Variants in PARD3B observed in about 807,000 individuals in gnomAD.
PARD3B encodes par-3 family cell polarity regulator beta, also known as partitioning defective 3 homolog B.
PARD3B carries 103 observed loss-of-function variants against 130.2 expected under a neutral mutation model. The ratio of observed to expected loss-of-function variants is 0.79; its 90% CI spans 0.67 to 0.93. The LOEUF (loss-of-function observed/expected upper bound fraction) is 0.93. Ranked by LOEUF, PARD3B falls within the 40% of genes least tolerant of loss-of-function variation. The pLI, the probability that PARD3B is intolerant of heterozygous loss-of-function variation, is 0.00. For missense variants in PARD3B, 1,609 were observed against 1,499.2 expected, an observed-to-expected ratio of 1.07 and a Z score of -1.21; for synonymous variants, 583 against 553.2, an observed-to-expected ratio of 1.05 and a Z score of -0.76.
At chr2:205,182,624 C>A (rs1395617560) in intron 13 of PARD3B, among the ~76,000 whole-genome samples, 1 of 152,120 alleles carries the variant, frequency 6.6e-6, no homozygotes. Context: ...ATACATAGTT[C>A]ATTGCAAAAG....
At chr2:205,365,433 T>C (rs1167855915) in intron 18 of PARD3B, among the ~76,000 whole-genome samples, 2 of 151,580 alleles carry the variant, frequency 1.3e-5, no homozygotes, top group African/African-American at 2.4e-5. Context: ...CAGGTCATGA[T>C]GTTCTTTCTG....
chr2:205,569,070 CAATTT>C, intron 22 of PARD3B, among the ~76,000 whole-genome samples: 1 of 152,228 alleles, frequency 6.6e-6, no homozygotes, highest in Admixed American at 6.5e-5. Context: ...AAACCTATGT[CAATTT>C]AATAGGTTAA....
At chr2:205,232,285 C>T (rs2038875226) in intron 15 of PARD3B, among the ~76,000 whole-genome samples, 2 of 152,046 alleles carry the variant, frequency 1.3e-5, no homozygotes, top group Non-Finnish European at 2.9e-5. Flanking sequence ...CCCCTACGCA[C>T]ACACACAGAG....
intron 15 of PARD3B, among the ~76,000 whole-genome samples, chr2:205,240,396 A>T (rs1392819446): frequency 6.6e-6 from 1 of 152,158 alleles, no homozygotes; most frequent in Non-Finnish European, 1.5e-5. Flanking sequence ...GCCAAACATC[A>T]ACTTCAAAAT....
At chr2:204,963,870 T>A (rs1690967190) in intron 2 of PARD3B, among the ~76,000 whole-genome samples, 1 of 152,214 alleles carries the variant, frequency 6.6e-6, no homozygotes. Flanking sequence ...TTGTTGGATT[T>A]TCCAATTAAA....
intron 2 of PARD3B, among the ~76,000 whole-genome samples, chr2:204,761,598 CAAA>C (rs67376172): frequency 6.8e-6 from 1 of 146,374 alleles, no homozygotes; most frequent in South Asian, 2.1e-4. Flanking sequence ...CTAAAAATTA[CAAA>C]AAAAAAAAAT....
At chr2:204,805,970 T>C (rs2042752855) in intron 2 of PARD3B, among the ~76,000 whole-genome samples, 1 of 151,948 alleles carries the variant, frequency 6.6e-6, no homozygotes, top group Non-Finnish European at 1.5e-5. Context: ...TATGAAACAT[T>C]GATGTGAGAA....
intron 19 of PARD3B, among the ~76,000 whole-genome samples, chr2:205,427,475 T>TGA (rs2047182082): frequency 6.6e-6 from 1 of 152,220 alleles, no homozygotes; most frequent in Non-Finnish European, 1.5e-5. Context: ...GTGTCTATGA[T>TGA]TTCTTTGCTA....
At chr2:204,883,953 G>C (rs2046176373) in intron 2 of PARD3B, among the ~76,000 whole-genome samples, 1 of 151,094 alleles carries the variant, frequency 6.6e-6, no homozygotes, top group African/African-American at 2.4e-5. Flanking sequence ...TGGTCAGGCT[G>C]ATCTTGAACT....
chr2:204,831,121 A>C (rs1331887091), intron 2 of PARD3B, among the ~76,000 whole-genome samples: 1 of 152,208 alleles, frequency 6.6e-6, no homozygotes, highest in Admixed American at 6.5e-5. Context: ...TATTGCTAAA[A>C]TTTAGCTTAA....
intron 2 of PARD3B, among the ~76,000 whole-genome samples, chr2:204,712,627 C>A (rs4675473): frequency 0.75 from 100,608 of 134,364 alleles, 38,493 homozygotes; most frequent in East Asian, 0.88. Flanking sequence ...AAAAAAAAAA[C>A]AAAAAAAAAA....
chr2:205,334,038 C>T (rs1381816400), intron 18 of PARD3B, among the ~76,000 whole-genome samples: 1 of 152,122 alleles, frequency 6.6e-6, no homozygotes, highest in Non-Finnish European at 1.5e-5. Flanking sequence ...CTTTTTCCTA[C>T]CCCGTTAGCA....
At chr2:205,441,041 G>A (rs1377700669) in intron 20 of PARD3B, among the ~76,000 whole-genome samples, 1 of 152,174 alleles carries the variant, frequency 6.6e-6, no homozygotes, top group Non-Finnish European at 1.5e-5. Flanking sequence ...GAGGTGGAGA[G>A]TCAGAAAAGA....
chr2:204,734,375 A>G (rs1456319719), intron 2 of PARD3B, among the ~76,000 whole-genome samples: 2 of 152,190 alleles, frequency 1.3e-5, no homozygotes, highest in African/African-American at 4.8e-5. Flanking sequence ...CATAAGTTAA[A>G]CCTGTGCTTA....
At position 205,276,299 on chromosome 2, in the gene PARD3B, A is replaced by C. The variant is rs1345326061; in HGVS notation, c.2186-24231A>C. On this transcript the variant is annotated intron_variant, in intron 16 of 22. Coordinates refer to ENST00000406610, the MANE Select transcript of PARD3B (RefSeq NM_001302769.2). This position sits in a 1 kb window ranked among gnomAD's most constrained non-coding sequence, Gnocchi z 5.0. The stretch of plus-strand genomic sequence containing the variant: ...GCGCCTGGTGCTGACAGCCTTGGCA[A>C]ACAACCTAGAGAGAAAATATGTCTT... Among the ~76,000 whole-genome samples, 1 of 152,198 alleles carries C rather than the reference A, an allele frequency of 6.6e-6. No individual in the cohort carries two copies. Among genetic ancestry groups the C allele is most frequent in the Admixed American group, 6.5e-5 (1 of 15,280 alleles).
At chr2:205,289,384 G>A (rs1373546567) in intron 16 of PARD3B, among the ~76,000 whole-genome samples, 3 of 152,084 alleles carry the variant, frequency 2.0e-5, no homozygotes, top group Admixed American at 6.6e-5. Context: ...GATGCTAAGC[G>A]GTGACATGTA....
chr2:205,293,004 T>A (rs1468921629), intron 16 of PARD3B, among the ~76,000 whole-genome samples: 1 of 152,156 alleles, frequency 6.6e-6, no homozygotes, highest in African/African-American at 2.4e-5. Context: ...AACATGAAAC[T>A]GAAAAACCTC....
chr2:204,820,071 CTTTTTT>C (rs557143420), intron 2 of PARD3B, among the ~76,000 whole-genome samples: 1 of 98,428 alleles, frequency 1.0e-5, no homozygotes, highest in Non-Finnish European at 1.8e-5. Flanking sequence ...AAACAATAGA[CTTTTTT>C]TTTTTTTTTT....
intron 22 of PARD3B, among the ~76,000 whole-genome samples, chr2:205,588,540 T>C (rs949722553): frequency 3.3e-5 from 5 of 152,098 alleles, no homozygotes; most frequent in Non-Finnish European, 4.4e-5. Flanking sequence ...TGCGTGTGCA[T>C]ATCTTCTGTA....
Sources: allele counts gnomAD v4.1 joint callset (sites outside exome capture counted in the v4.1 genomes callset), GRCh38; gene constraint gnomAD v4.1.1; non-coding constraint Gnocchi (gnomAD v3.1); transcripts MANE v1.5; gene names NCBI Gene and HGNC (gene_info 2026-07-23, HGNC 2026-07-21).